The following CDH20 variants were observed in gnomAD, a reference collection of about 807,000 sequenced individuals.
CDH20 encodes the protein cadherin-20.
Under a neutral mutation model 74.2 loss-of-function variants are expected in CDH20, and 29 were observed. The observed-to-expected ratio is 0.39, with a 90% CI of 0.29 to 0.53. The LOEUF (loss-of-function observed/expected upper bound fraction) is 0.53, where lower values mean the gene tolerates loss of function less well. Ranked by LOEUF, CDH20 falls within the 20% of genes least tolerant of loss-of-function variation. The pLI, the probability that CDH20 is intolerant of heterozygous loss-of-function variation, is 0.69. For synonymous variants in CDH20, 469 were observed against 405.4 expected, an observed-to-expected ratio of 1.16 and a Z score of -1.88; for missense variants, 988 against 1,048.3, an observed-to-expected ratio of 0.94 and a Z score of 0.79.
At chr18:61,472,304 G>C (rs76957547) in intron 1 of CDH20, among the ~76,000 whole-genome samples, 1 of 152,044 alleles carries the variant, frequency 6.6e-6, no homozygotes, top group African/African-American at 2.4e-5. Context: ...CCCGAGAGAC[G>C]TGCTCAAACC....
intron 6 of CDH20, among the ~76,000 whole-genome samples, chr18:61,522,454 T>A (rs943331956): frequency 6.6e-6 from 1 of 152,182 alleles, no homozygotes; most frequent in African/African-American, 2.4e-5. Context: ...TGCTCATGGA[T>A]AGGAACACGC....
intron 1 of CDH20, among the ~76,000 whole-genome samples, chr18:61,336,868 C>T (rs1909781025): frequency 6.6e-6 from 1 of 151,592 alleles, no homozygotes; most frequent in Non-Finnish European, 1.5e-5. Context: ...AAAATGTCCA[C>T]TTTGGAAGAA....
intron 9 of CDH20, among the ~76,000 whole-genome samples, chr18:61,541,750 A>C (rs645694): frequency 0.71 from 107,708 of 152,144 alleles, 38,575 homozygotes; most frequent in Non-Finnish European, 0.74. Flanking sequence ...TACTGTCCTC[A>C]GCTTCACATC....
At chr18:61,483,820 G>C (rs1422583529) in intron 1 of CDH20, among the ~76,000 whole-genome samples, 1 of 152,164 alleles carries the variant, frequency 6.6e-6, no homozygotes, top group African/African-American at 2.4e-5. Flanking sequence ...CCTCCAGTTT[G>C]TAAATGACAA....
intron 1 of CDH20, among the ~76,000 whole-genome samples, chr18:61,420,948 G>A (rs187584312): frequency 2.0e-5 from 3 of 152,248 alleles, no homozygotes; most frequent in Admixed American, 6.5e-5. Flanking sequence ...CTACTTGGGA[G>A]GCTGAGGCAG....
At chr18:61,545,368 A>G (rs1913209247) in intron 10 of CDH20, among the ~76,000 whole-genome samples, 1 of 151,336 alleles carries the variant, frequency 6.6e-6, no homozygotes, top group African/African-American at 2.4e-5. Context: ...TCAGCCTCCC[A>G]AAGTGCTAGT....
chr18:61,496,532 AAGCGTCAGCCC>A (rs1911168203), intron 2 of CDH20, among the ~76,000 whole-genome samples: 1 of 152,006 alleles, frequency 6.6e-6, no homozygotes. Context: ...CCTCACACTC[AAGCGTCAGCCC>A]AGACTCCAGG....
At chr18:61,355,455 AT>A (rs1910468141) in intron 1 of CDH20, among the ~76,000 whole-genome samples, 2 of 152,246 alleles carry the variant, frequency 1.3e-5, no homozygotes, top group African/African-American at 4.8e-5. Context: ...ACGTTTTAGT[AT>A]TTACACACAA....
At chr18:61,523,232 A>C (rs1189979941) in intron 6 of CDH20, among the ~76,000 whole-genome samples, 2 of 151,988 alleles carry the variant, frequency 1.3e-5, no homozygotes, top group South Asian at 2.1e-4. Context: ...AAAAAAACAA[A>C]CAACCACATC....
chr18:61,387,268 C>G (rs1351579845), intron 1 of CDH20, among the ~76,000 whole-genome samples: 2 of 152,170 alleles, frequency 1.3e-5, no homozygotes, highest in Non-Finnish European at 2.9e-5. Flanking sequence ...AGCTTTCTTA[C>G]CACAGCAAAG....
In CDH20 at chr18:61,551,216, AAAGT is replaced by A. The variant is rs201810715; in HGVS notation, c.1900+989_1900+992del. On this transcript the variant is annotated intron_variant, in intron 11 of 11. Transcript: ENST00000262717. ...ACCTAAACCAACTCTTGCAAAAAAG[AAAGT>A]ATCTGTACATATATCCTTGCTCTTC... Among the ~76,000 whole-genome samples, 444 of 152,354 alleles carry A rather than the reference AAAGT, an allele frequency of 2.9e-3. 5 individuals are homozygous for A. Among genetic ancestry groups the A allele is most frequent in the East Asian group, 0.019 (99 of 5,180 alleles).
At chr18:61,496,700 A>G (rs994927213) in intron 2 of CDH20, among the ~76,000 whole-genome samples, 16 of 152,210 alleles carry the variant, frequency 1.1e-4, no homozygotes, top group African/African-American at 3.6e-4. Flanking sequence ...CGGAACAAAC[A>G]GTTTTATTTG....
chr18:61,414,748 A>G (rs1465978124), intron 1 of CDH20, among the ~76,000 whole-genome samples: 14 of 152,088 alleles, frequency 9.2e-5, no homozygotes, highest in Admixed American at 7.9e-4. Context: ...CATGATTGTC[A>G]GAGAAGAGGC....
At position 61,505,332 on chromosome 18, in the gene CDH20, T is replaced by C. The variant is rs1024705029; in HGVS notation, c.830-2041T>C. On this transcript the variant is annotated intron_variant, in intron 5 of 11. Coordinates refer to ENST00000262717, the MANE Select transcript of CDH20 (RefSeq NM_031891.4). Reference sequence around the variant, plus strand: ...GTTTTAGTCTTGCCTCCGAAACCAATATCTTTTTTTTTTTTTTTTTTTTGA... The same window carrying C: ...GTTTTAGTCTTGCCTCCGAAACCAACATCTTTTTTTTTTTTTTTTTTTTGA... 1.3e-4 allele frequency among the ~76,000 whole-genome samples: 15 copies of C among 117,094 alleles called. No individual in the cohort carries two copies. In the South Asian group the frequency reaches 4.2e-3, roughly 33 times the overall value. The allele number at this position is 117,094 out of a possible 152,430, so 76.8% of individuals were successfully genotyped here.
At chr18:61,499,976 C>G (rs1225386295) in intron 3 of CDH20, among the ~76,000 whole-genome samples, 1 of 151,588 alleles carries the variant, frequency 6.6e-6, no homozygotes, top group Non-Finnish European at 1.5e-5. Context: ...TGGTGGTGCG[C>G]ACCTATAGTC....
intron 1 of CDH20, among the ~76,000 whole-genome samples, chr18:61,393,926 C>T (rs1267550268): frequency 2.0e-5 from 3 of 152,138 alleles, no homozygotes; most frequent in African/African-American, 7.2e-5. Flanking sequence ...GATTCCTTAC[C>T]TGCAAAATTT....
chr18:61,509,330 G>A (rs1472771282), intron 6 of CDH20, among the ~76,000 whole-genome samples: 1 of 152,242 alleles, frequency 6.6e-6, no homozygotes, highest in Non-Finnish European at 1.5e-5. Context: ...GAGTTAAGCA[G>A]GTTGACAGTG....
intron 1 of CDH20, among the ~76,000 whole-genome samples, chr18:61,468,473 T>TA (rs1393727660): frequency 6.6e-6 from 1 of 152,128 alleles, no homozygotes; most frequent in Non-Finnish European, 1.5e-5. Context: ...TGCTAAAGAA[T>TA]AATGGTAAAT....
At chr18:61,550,556 T>C (rs898016448) in intron 11 of CDH20, among the ~76,000 whole-genome samples, 7 of 152,244 alleles carry the variant, frequency 4.6e-5, no homozygotes, top group Admixed American at 1.3e-4. Context: ...TTTGACATCA[T>C]AGAATCAAAA....
Sources: gnomAD v4.1 joint callset for allele counts (sites outside exome capture counted in the v4.1 genomes callset) on GRCh38, gnomAD v4.1.1 for gene constraint, MANE v1.5 for transcripts, NCBI Gene and HGNC (gene_info 2026-07-23, HGNC 2026-07-21) for gene names.